Variants in DRC8 observed in about 807,000 individuals in gnomAD.
The protein encoded by DRC8 is dynein regulatory complex subunit 8.
chr1:245,002,358 C>CTCTATAAA, the DRC8 span: 1 of 718,732 alleles, frequency 1.4e-6, no homozygotes, highest in East Asian at 2.7e-5. Context: ...ATACTCCCTA[C>CTCTATAAA]TCTATAAATC....
At chr1:244,982,550 G>A in the DRC8 span, among the ~76,000 whole-genome samples, 2 of 152,076 alleles carry the variant, frequency 1.3e-5, no homozygotes, top group Non-Finnish European at 2.9e-5. Context: ...TGTAGTCCCA[G>A]CTACTTGTGA....
the DRC8 span, among the ~76,000 whole-genome samples, chr1:245,082,845 C>T: frequency 6.6e-6 from 1 of 152,236 alleles, no homozygotes; most frequent in African/African-American, 2.4e-5. Context: ...GCTGGGATTA[C>T]AGGCACGTGC....
the DRC8 span, among the ~76,000 whole-genome samples, chr1:244,988,556 A>AG: frequency 6.6e-6 from 1 of 152,230 alleles, no homozygotes; most frequent in African/African-American, 2.4e-5. Context: ...AGTAATTGCT[A>AG]GTTCCAAAAT....
chr1:244,996,179 G>A, the DRC8 span, among the ~76,000 whole-genome samples: 3 of 152,274 alleles, frequency 2.0e-5, no homozygotes, highest in African/African-American at 7.2e-5. Context: ...TGGATTGGTT[G>A]GGCAGAGACT....
the DRC8 span, among the ~76,000 whole-genome samples, chr1:245,118,248 G>A: frequency 6.6e-6 from 1 of 152,136 alleles, no homozygotes; most frequent in Non-Finnish European, 1.5e-5. Context: ...GATTGAAATC[G>A]CAGCCTAGTC....
At chr1:245,028,450 G>A in the DRC8 span, among the ~76,000 whole-genome samples, 1 of 152,104 alleles carries the variant, frequency 6.6e-6, no homozygotes, top group Non-Finnish European at 1.5e-5. Context: ...AACCCTGGAT[G>A]CCCAATTTAT....
chr1:244,987,660 C>T, the DRC8 span, among the ~76,000 whole-genome samples: 1 of 146,558 alleles, frequency 6.8e-6, no homozygotes, highest in Non-Finnish European at 1.5e-5. Context: ...TTTTTGACAG[C>T]ATATGTCTGG....
the DRC8 span, among the ~76,000 whole-genome samples, chr1:244,992,535 T>C: frequency 6.6e-6 from 1 of 152,102 alleles, no homozygotes; most frequent in Non-Finnish European, 1.5e-5. Context: ...GGCCAGGAGT[T>C]TGAGACCAGC....
At chr1:245,090,079 A>C in the DRC8 span, among the ~76,000 whole-genome samples, 1 of 152,218 alleles carries the variant, frequency 6.6e-6, no homozygotes, top group Non-Finnish European at 1.5e-5. Context: ...GAAAAGAAAA[A>C]GGTAGATTGT....
the DRC8 span, among the ~76,000 whole-genome samples, chr1:245,035,798 C>T: frequency 0.42 from 62,392 of 146,914 alleles, 15,952 homozygotes; most frequent in East Asian, 0.61. Flanking sequence ...ACCTGGAAGG[C>T]GGGGGTTGCA....
At chr1:245,078,008 T>C in the DRC8 span, among the ~76,000 whole-genome samples, 3 of 151,924 alleles carry the variant, frequency 2.0e-5, no homozygotes, top group Non-Finnish European at 4.4e-5. Context: ...GACAACTCAA[T>C]TGCAAAAACA....
chr1:244,971,450 C>T, the DRC8 span, among the ~76,000 whole-genome samples: 8 of 152,196 alleles, frequency 5.3e-5, no homozygotes, highest in African/African-American at 1.7e-4. Context: ...CAAGACCGTT[C>T]ATGTTGTTTT....
chr1:245,021,690 C>T, the DRC8 span, among the ~76,000 whole-genome samples: 1 of 152,190 alleles, frequency 6.6e-6, no homozygotes, highest in South Asian at 2.1e-4. Context: ...CCTGCCTCAG[C>T]CTCCCAAAGT....
At chr1:245,108,636 G>C in the DRC8 span, among the ~76,000 whole-genome samples, 7 of 152,086 alleles carry the variant, frequency 4.6e-5, no homozygotes, top group Non-Finnish European at 7.4e-5. Flanking sequence ...ACATTCTCCA[G>C]CTGAATGTTG....
the DRC8 span, among the ~76,000 whole-genome samples, chr1:244,990,077 G>A: frequency 6.6e-6 from 1 of 152,148 alleles, no homozygotes; most frequent in Admixed American, 6.5e-5. Flanking sequence ...TCATGGCTCG[G>A]GATGACCCGG....
At chr1:245,025,001 T>A in the DRC8 span, among the ~76,000 whole-genome samples, 1 of 152,224 alleles carries the variant, frequency 6.6e-6, no homozygotes, top group Non-Finnish European at 1.5e-5. Context: ...TCATGATGTG[T>A]CTGTCATCTA....
At chr1:245,027,164 A>C in the DRC8 span, among the ~76,000 whole-genome samples, 179 of 152,312 alleles carry the variant, frequency 1.2e-3, 1 homozygote, top group African/African-American at 4.1e-3. Flanking sequence ...TTGGTTTCTT[A>C]TCATGGTCCT....
the DRC8 span, among the ~76,000 whole-genome samples, chr1:245,074,035 A>G: frequency 1.3e-5 from 2 of 152,262 alleles, no homozygotes; most frequent in South Asian, 2.1e-4. Context: ...ATAAAGAGCA[A>G]TATTTTTAAA....
chr1:244,987,424 C>T, the DRC8 span, among the ~76,000 whole-genome samples: 3 of 151,868 alleles, frequency 2.0e-5, no homozygotes, highest in East Asian at 1.9e-4. Context: ...AGGCTGGTTT[C>T]GAACTCCTGA....
Sources: allele counts gnomAD v4.1 joint callset (sites outside exome capture counted in the v4.1 genomes callset), GRCh38; gene constraint gnomAD v4.1.1; transcripts MANE v1.5; gene names NCBI Gene and HGNC (gene_info 2026-07-23, HGNC 2026-07-21).